The following SLC35F4 variants were observed in gnomAD, a reference collection of about 807,000 sequenced individuals.
SLC35F4 encodes the protein solute carrier family 35 member F4, also known as chromosome 14 open reading frame 36.
In SLC35F4, 24 loss-of-function variants were observed where a neutral mutation model predicts 44.2. The observed-to-expected ratio is 0.54, with a 90% confidence interval of 0.39 to 0.76. SLC35F4 has a LOEUF of 0.76. Ranked by LOEUF, SLC35F4 falls within the 30% of genes least tolerant of loss-of-function variation. SLC35F4 has a pLI of 0.00. For synonymous variants in SLC35F4, 238 were observed against 223.6 expected, an observed-to-expected ratio of 1.06 and a Z score of -0.57; for missense variants, 562 against 586.1, an observed-to-expected ratio of 0.96 and a Z score of 0.42.
intron 1 of SLC35F4, among the ~76,000 whole-genome samples, chr14:57,646,370 G>C (rs1264211916): frequency 6.6e-6 from 1 of 152,140 alleles, no homozygotes; most frequent in Non-Finnish European, 1.5e-5. Context: ...ATGTATGGAG[G>C]AATTTATCCA....
In SLC35F4 at chr14:57,929,428, C is replaced by T. The variant is rs547383759; in HGVS notation, n.282+52485G>A. 2.6e-5 allele frequency among the ~76,000 whole-genome samples: 4 copies of T among 152,178 alleles called. No individual in the cohort carries two copies. In the East Asian group the frequency reaches 5.8e-4, roughly 22 times the overall value. On this transcript the variant is annotated intron_variant and non_coding_transcript_variant, in intron 1 of 1. Transcript: ENST00000556568. ...TCCCAATAAGCTGGCTACCCTCTTACAGCACCTTAGAGCGGGAGAGAACTT... is the reference window on the plus strand; with the variant it reads ...TCCCAATAAGCTGGCTACCCTCTTATAGCACCTTAGAGCGGGAGAGAACTT...
chr14:57,667,825 T>G (rs1368499474), intron 1 of SLC35F4, among the ~76,000 whole-genome samples: 5 of 151,082 alleles, frequency 3.3e-5, no homozygotes, highest in Non-Finnish European at 7.4e-5. Context: ...GCAGCATGAT[T>G]TATAATTCTT....
intron 1 of SLC35F4, among the ~76,000 whole-genome samples, chr14:57,962,144 T>C (rs892086328): frequency 6.6e-6 from 1 of 152,254 alleles, no homozygotes; most frequent in Non-Finnish European, 1.5e-5. Context: ...TATTTTTACT[T>C]GCAGTTTAAA....
rs76411040 is a variant in SLC35F4 at position 57,894,772 on chromosome 14, TG to T, written n.282+87140del. On this transcript the variant is annotated intron_variant and non_coding_transcript_variant, in intron 1 of 1. Coordinates refer to the SLC35F4 transcript ENST00000556568. Reference sequence around the variant, plus strand: ...CAATCAATAGTTTCAGCTTTTGGCATGGTTGCACTTGGTAAACTTAATGCAA... The same window carrying T: ...CAATCAATAGTTTCAGCTTTTGGCATGTTGCACTTGGTAAACTTAATGCAA... 0.023 allele frequency among the ~76,000 whole-genome samples: 3,455 copies of T among 152,236 alleles called. 421 individuals are homozygous for T. In the East Asian group the frequency reaches 0.39, roughly 17 times the overall value.
chr14:57,909,213 C>T (rs929103823), intron 1 of SLC35F4, among the ~76,000 whole-genome samples: 2 of 152,052 alleles, frequency 1.3e-5, no homozygotes, highest in Non-Finnish European at 2.9e-5. Context: ...ACATGGACAA[C>T]CTCCCCCACT....
intron 1 of SLC35F4, among the ~76,000 whole-genome samples, chr14:57,916,620 T>C (rs1402284038): frequency 6.6e-6 from 1 of 152,202 alleles, no homozygotes; most frequent in Non-Finnish European, 1.5e-5. Flanking sequence ...ATGCATATGT[T>C]ACAACTTTTG....
At chr14:57,643,616 T>C (rs554427546) in intron 1 of SLC35F4, among the ~76,000 whole-genome samples, 1 of 152,142 alleles carries the variant, frequency 6.6e-6, no homozygotes, top group Non-Finnish European at 1.5e-5. Context: ...TCATTTTTTT[T>C]AAATTTTATT....
rs76210268 is a variant in SLC35F4, at chr14:57,941,819, G to T, written n.282+40094C>A. Among the ~76,000 whole-genome samples the T allele has an allele frequency of 0.02, 3,023 of 152,184 alleles. 322 individuals carry two copies. In the East Asian group the frequency reaches 0.34, roughly 17 times the overall value. On this transcript the variant is annotated intron_variant and non_coding_transcript_variant, in intron 1 of 1. Coordinates refer to the SLC35F4 transcript ENST00000556568. ...TCATGAAATTTTTATTCCCTATAGAGACTAGCAAAATGCCTGATATACAGG... is the reference window on the plus strand; with the variant it reads ...TCATGAAATTTTTATTCCCTATAGATACTAGCAAAATGCCTGATATACAGG...
chr14:57,714,006 G>A (rs1050903992), intron 1 of SLC35F4, among the ~76,000 whole-genome samples: 2 of 152,154 alleles, frequency 1.3e-5, no homozygotes, highest in East Asian at 3.9e-4. Context: ...TAGGCACAAT[G>A]TGTTACCCAG....
chr14:57,871,205 CA>C lies in SLC35F4; in HGVS notation n.282+110707del, dbSNP rs578098886. ...CCAGAAGCAGCAGAGTCCCCAGCCC[CA>C]GAGGGATCACATGTGGGCTTGACTA... On this transcript the variant is annotated intron_variant and non_coding_transcript_variant, in intron 1 of 1. Coordinates refer to the SLC35F4 transcript ENST00000556568. 1.1e-3 allele frequency among the ~76,000 whole-genome samples: 168 copies of C among 152,274 alleles called. 3 individuals carry two copies. The South Asian group carries it at 0.033, about 30-fold the overall frequency.
At chr14:57,801,709 A>G (rs1176560133) in intron 1 of SLC35F4, among the ~76,000 whole-genome samples, 1 of 152,190 alleles carries the variant, frequency 6.6e-6, no homozygotes, top group Non-Finnish European at 1.5e-5. Context: ...CAGACATTAA[A>G]CCAATAAAAG....
chr14:57,801,553 G>C (rs2078193797), intron 1 of SLC35F4, among the ~76,000 whole-genome samples: 1 of 152,062 alleles, frequency 6.6e-6, no homozygotes. Flanking sequence ...CCCTTTAAAA[G>C]ACACAGGATG....
chr14:57,919,294 T>A (rs759467727), intron 1 of SLC35F4, among the ~76,000 whole-genome samples: 1 of 152,242 alleles, frequency 6.6e-6, no homozygotes, highest in Non-Finnish European at 1.5e-5. Context: ...AATACAGGAT[T>A]ACACTCATGG....
At chr14:57,974,407 G>A (rs976305610), downstream of SLC35F4, among the ~76,000 whole-genome samples, 2 of 152,294 alleles carry the variant, frequency 1.3e-5, no homozygotes, top group African/African-American at 4.8e-5. Flanking sequence ...AGTCATTAAA[G>A]CCAGCTCAGA....
chr14:57,615,577 A>T (rs531305807), intron 1 of SLC35F4, among the ~76,000 whole-genome samples: 3 of 152,224 alleles, frequency 2.0e-5, no homozygotes, highest in South Asian at 4.1e-4. Flanking sequence ...CTGCATATAG[A>T]TGGGATAGAG....
At chr14:57,683,935 T>C (rs2074988078) in intron 1 of SLC35F4, among the ~76,000 whole-genome samples, 1 of 151,536 alleles carries the variant, frequency 6.6e-6, no homozygotes. Flanking sequence ...ATGGTGGGAG[T>C]TGTCTCTGAT....
At chr14:57,877,672 G>C in intron 1 of SLC35F4, among the ~76,000 whole-genome samples, 1 of 80,314 alleles carries the variant, frequency 1.2e-5, no homozygotes, top group East Asian at 5.8e-4. Flanking sequence ...GTTATTTTTT[G>C]ACTTTTTTTT....
chr14:57,661,407 C>T (rs1390123945), intron 1 of SLC35F4, among the ~76,000 whole-genome samples: 1 of 152,164 alleles, frequency 6.6e-6, no homozygotes, highest in Non-Finnish European at 1.5e-5. Flanking sequence ...GTTCTCAGCA[C>T]ATATTTATCT....
At chr14:57,692,688 A>C (rs1310479378) in intron 1 of SLC35F4, among the ~76,000 whole-genome samples, 1 of 152,152 alleles carries the variant, frequency 6.6e-6, no homozygotes, top group Non-Finnish European at 1.5e-5. Context: ...TAGCCTTGAT[A>C]AATTCTCATG....
Sources: allele counts gnomAD v4.1 joint callset (sites outside exome capture counted in the v4.1 genomes callset), GRCh38; gene constraint gnomAD v4.1.1; transcripts MANE v1.5; gene names NCBI Gene and HGNC (gene_info 2026-07-23, HGNC 2026-07-21).